SLC12A2: variants seen among roughly 807,000 people sequenced by gnomAD.
The protein encoded by SLC12A2 is solute carrier family 12 member 2.
In SLC12A2, 67 loss-of-function variants were observed where a neutral mutation model predicts 136.3. That is an observed-to-expected ratio of 0.49 (90% CI 0.40 to 0.60). The LOEUF (loss-of-function observed/expected upper bound fraction) is 0.60. SLC12A2 is among the 20% of genes least tolerant of loss of function. The pLI is 0.00. For missense variants in SLC12A2, 1,322 were observed against 1,534.7 expected, an observed-to-expected ratio of 0.86 and a Z score of 2.32; for synonymous variants, 619 against 562.9, an observed-to-expected ratio of 1.10 and a Z score of -1.41.
chr5:128,107,035 T>C (rs1025975497), intron 1 of SLC12A2, among the ~76,000 whole-genome samples: 2 of 152,168 alleles, frequency 1.3e-5, no homozygotes, highest in African/African-American at 4.8e-5. Flanking sequence ...TATTCTATGG[T>C]GAAAGATAAG....
At chr5:128,140,781 G>A (rs948181441) in intron 9 of SLC12A2, among the ~76,000 whole-genome samples, 10 of 151,968 alleles carry the variant, frequency 6.6e-5, no homozygotes, top group Non-Finnish European at 1.5e-4. Context: ...GGGGGGATTT[G>A]CAAGGCTCTA....
chr5:128,128,541 A>G (rs1761900082), intron 4 of SLC12A2, among the ~76,000 whole-genome samples: 1 of 152,052 alleles, frequency 6.6e-6, no homozygotes. Context: ...CTGATTTACA[A>G]GAGTTTATCA....
At chr5:128,131,891 G>C (rs1762035363) in intron 5 of SLC12A2, among the ~76,000 whole-genome samples, 2 of 152,276 alleles carry the variant, frequency 1.3e-5, no homozygotes, top group Non-Finnish European at 1.5e-5. Flanking sequence ...TGTAATCCCA[G>C]TTACTCTGGA....
At chr5:128,113,055 G>A (rs1761214191) in intron 2 of SLC12A2, 122 bp downstream of exon 2, 2 of 828,734 alleles carry the variant, frequency 2.4e-6, no homozygotes, top group South Asian at 3.4e-5. Flanking sequence ...TCTTATCTGA[G>A]TGCTGTGGAA....
At chr5:128,175,629 CCAA>C (rs1263685498) in intron 20 of SLC12A2, among the ~76,000 whole-genome samples, 1 of 151,724 alleles carries the variant, frequency 6.6e-6, no homozygotes, top group Non-Finnish European at 1.5e-5. Context: ...CTCCGTGCAC[CCAA>C]CATTATAATG....
chr5:128,181,118 A>G, intron 23 of SLC12A2, 124 bp downstream of exon 23: 1 of 677,370 alleles, frequency 1.5e-6, no homozygotes, highest in Non-Finnish European at 2.6e-6. Flanking sequence ...TCTTTACTGA[A>G]GTTAAAAATT....
chr5:128,164,178 G>A (rs972487432), intron 17 of SLC12A2, among the ~76,000 whole-genome samples: 1 of 152,104 alleles, frequency 6.6e-6, no homozygotes, highest in African/African-American at 2.4e-5. Context: ...AATCAGATCT[G>A]GGGTGAGGGC....
In SLC12A2 at chr5:128,138,854, C is replaced by G; in HGVS notation, c.1567C>G (p.Leu523Val). The G allele has an allele frequency of 6.2e-7, 1 of 1,613,414 alleles. No individual in the cohort carries two copies. The highest frequency in any genetic ancestry group is 2.2e-5 in the East Asian group (1 of 44,822). ...TCAGTCAGCCATACCCAAAGGAACA[C>G]TCCTAGCCATTTTAATTACTACATT... ...DPQSAIPKGT[L>V]LAILITTLVY... The change falls in exon 9 of 27, where the codon CTC becomes GTC. Residue 523 changes from leucine to valine, a missense_variant. Physicochemically the swap from Leu to Val is conservative, Grantham distance 32. Around this residue, in one of 8 missense-constraint regions of SLC12A2, gnomAD observed 294 missense variants for 436.6 expected, o/e 0.67. Coordinates refer to ENST00000262461, the MANE Select transcript of SLC12A2 (RefSeq NM_001046.3).
intron 20 of SLC12A2, 102 bp downstream of exon 20, chr5:128,174,768 A>C: frequency 3.2e-6 from 3 of 927,496 alleles, no homozygotes; most frequent in Non-Finnish European, 4.6e-6. Context: ...ACCTGTTCTC[A>C]AACTTGTACT....
rs755219397 is a variant in SLC12A2 at position 128,131,072 on chromosome 5, G to A, written c.1054G>A (p.Ala352Thr). Residue 352 changes from alanine to threonine, a missense_variant, in exon 5 of 27, where the codon GCA becomes ACA. This residue lies in a region of SLC12A2 where 71 missense variants were observed against 131.0 expected (regional missense o/e 0.54). Transcript: ENST00000262461. ...ATNGFVRGGG[A>T]YYLISRSLGP... ...GTTTGTTTGTTTGTTTTTAGGAGGAGCATATTATTTAATATCTAGAAGTCT... is the reference window on the plus strand; with the variant it reads ...GTTTGTTTGTTTGTTTTTAGGAGGAACATATTATTTAATATCTAGAAGTCT... 6.2e-6 allele frequency: 10 copies of A among 1,613,636 alleles called. No homozygotes were observed. The Admixed American group carries it at 1.7e-4, about 27-fold the overall frequency.
chr5:128,142,028 G>A (rs1447316910), intron 10 of SLC12A2, 47 bp downstream of exon 10: 9 of 1,485,822 alleles, frequency 6.1e-6, no homozygotes, highest in South Asian at 3.5e-5. Context: ...TTTATCTAGG[G>A]GTGAGACTAC....
intron 19 of SLC12A2, among the ~76,000 whole-genome samples, chr5:128,172,956 A>C (rs1763423945): frequency 6.6e-6 from 1 of 151,800 alleles, no homozygotes; most frequent in Non-Finnish European, 1.5e-5. Flanking sequence ...AAAAAATACA[A>C]AAAAAACAAA....
intron 9 of SLC12A2, among the ~76,000 whole-genome samples, chr5:128,141,538 G>A (rs1465886150): frequency 6.6e-6 from 1 of 152,122 alleles, no homozygotes; most frequent in Non-Finnish European, 1.5e-5. Context: ...AAATAGGCTA[G>A]GAAATAGTTT....
intron 14 of SLC12A2, among the ~76,000 whole-genome samples, chr5:128,152,106 T>G (rs757207155): frequency 6.6e-6 from 1 of 152,168 alleles, no homozygotes; most frequent in Non-Finnish European, 1.5e-5. Context: ...AAGAGTAGTT[T>G]CAATATAGTA....
At chr5:128,102,596 CTTTTTT>C (rs70997362) in intron 1 of SLC12A2, among the ~76,000 whole-genome samples, 1 of 40,452 alleles carries the variant, frequency 2.5e-5, no homozygotes, top group African/African-American at 8.7e-5. Flanking sequence ...CCCCCCCCGC[CTTTTTT>C]TTTTTTTTTT....
In SLC12A2 at chr5:128,094,226, A is replaced by G. The variant is rs182307552; in HGVS notation, c.756+9516A>G. Among the ~76,000 whole-genome samples, 118 of 150,546 alleles carry G rather than the reference A, an allele frequency of 7.8e-4. 3 individuals are homozygous for G. The Middle Eastern group carries it at 0.031, about 39-fold the overall frequency. On this transcript the variant is annotated intron_variant, in intron 1 of 26. Transcript: ENST00000262461. ...ATTGATCACCATTATGTCCTTTGCT[A>G]TCTAGTATAGGCCTGACACAGTAGA...
At chr5:128,139,734 A>C (rs1187375334) in intron 9 of SLC12A2, among the ~76,000 whole-genome samples, 2 of 152,200 alleles carry the variant, frequency 1.3e-5, no homozygotes, top group Non-Finnish European at 1.5e-5. Context: ...CTTAAGCATA[A>C]TGCAAAAGTA....
intron 5 of SLC12A2, 34 bp downstream of exon 5, chr5:128,131,240 A>C: frequency 6.2e-7 from 1 of 1,608,034 alleles, no homozygotes; most frequent in Non-Finnish European, 8.5e-7. Flanking sequence ...TTCGTTTACC[A>C]AATCTTTATT....
At chr5:128,151,514 C>T (rs1762700683) in intron 14 of SLC12A2, 118 bp downstream of exon 14, 3 of 942,466 alleles carry the variant, frequency 3.2e-6, no homozygotes, top group South Asian at 3.6e-5. Context: ...TTGAAAGCTA[C>T]TTTGTATAAA....
Sources: gnomAD v4.1 joint callset for allele counts (sites outside exome capture counted in the v4.1 genomes callset) on GRCh38, gnomAD v4.1.1 for gene constraint, gnomAD v4.1.1 regional missense constraint, MANE v1.5 for transcripts, NCBI Gene and HGNC (gene_info 2026-07-23, HGNC 2026-07-21) for gene names.